Variants in SAMMSON observed in about 807,000 individuals in gnomAD.
The protein encoded by SAMMSON is long intergenic non-protein coding RNA 1212.
In SAMMSON at chr3:70,415,747, C is replaced by T. The variant is rs138281412; in HGVS notation, n.234-46813C>T. Among the ~76,000 whole-genome samples, 436 of 152,258 alleles carry T rather than the reference C, an allele frequency of 2.9e-3. 4 individuals are homozygous for T. The highest frequency in any genetic ancestry group is 9.8e-3 in the African/African-American group (406 of 41,546). ...TGGGATGCAATCTTTTGAAGAGTAACATTAGAATACTCCAATCCTGCCTGG... is the reference window on the plus strand; with the variant it reads ...TGGGATGCAATCTTTTGAAGAGTAATATTAGAATACTCCAATCCTGCCTGG... On this transcript the variant is annotated intron_variant and non_coding_transcript_variant, in intron 2 of 3. Coordinates refer to the SAMMSON transcript ENST00000641053.
chr3:70,250,818 A>C (rs1163007027), intron 6 of SAMMSON, among the ~76,000 whole-genome samples: 2 of 152,198 alleles, frequency 1.3e-5, no homozygotes, highest in African/African-American at 4.8e-5. Context: ...CTTCTTCAGC[A>C]CACAGTTCTT....
intron 4 of SAMMSON, among the ~76,000 whole-genome samples, chr3:70,080,740 G>A (rs796997169): frequency 2.1e-5 from 3 of 145,800 alleles, no homozygotes; most frequent in African/African-American, 7.7e-5. Flanking sequence ...TTGTGTTTAT[G>A]TCCTATAAAT....
At chr3:70,198,096 G>T (rs1701198692) in intron 4 of SAMMSON, among the ~76,000 whole-genome samples, 1 of 152,160 alleles carries the variant, frequency 6.6e-6, no homozygotes, top group South Asian at 2.1e-4. Flanking sequence ...TAAAAAATGT[G>T]TGAGTGCTTT....
intron 4 of SAMMSON, among the ~76,000 whole-genome samples, chr3:70,139,557 G>A (rs2067519212): frequency 6.6e-6 from 1 of 152,140 alleles, no homozygotes; most frequent in African/African-American, 2.4e-5. Flanking sequence ...TAAAATCTAG[G>A]TGGAGGCAGC....
intron 3 of SAMMSON, among the ~76,000 whole-genome samples, chr3:70,018,224 T>G (rs2066995442): frequency 6.6e-6 from 1 of 152,166 alleles, no homozygotes; most frequent in Non-Finnish European, 1.5e-5. Flanking sequence ...TGGACTTTTT[T>G]TGTTGGTAAA....
intron 4 of SAMMSON, among the ~76,000 whole-genome samples, chr3:70,103,014 A>T (rs561760240): frequency 1.3e-5 from 2 of 152,294 alleles, no homozygotes; most frequent in South Asian, 4.1e-4. Flanking sequence ...GCAAACTCAA[A>T]TGCACAGTGA....
chr3:70,045,420 ATC>A (rs1559779933), intron 3 of SAMMSON, among the ~76,000 whole-genome samples: 1 of 151,430 alleles, frequency 6.6e-6, no homozygotes, highest in African/African-American at 2.4e-5. Context: ...AAGAGAATCA[ATC>A]TCTTTTAAAA....
intron 6 of SAMMSON, among the ~76,000 whole-genome samples, chr3:70,273,108 G>A (rs1375665857): frequency 2.6e-5 from 4 of 152,130 alleles, no homozygotes; most frequent in Admixed American, 6.6e-5. Context: ...AAAGGCTGCC[G>A]TTACAAGGAA....
exon 4 of SAMMSON, chr3:70,071,496 C>A (rs1380440998): frequency 3.3e-5 from 5 of 151,858 alleles, no homozygotes; most frequent in Admixed American, 3.3e-4. Flanking sequence ...ACAGTGACAG[C>A]TAGCAGAGTC....
At chr3:70,065,065 G>C (rs572910828) in intron 3 of SAMMSON, among the ~76,000 whole-genome samples, 3 of 152,158 alleles carry the variant, frequency 2.0e-5, no homozygotes, top group African/African-American at 7.2e-5. Context: ...TAAAGAAGAA[G>C]ACTCAAAGTT....
chr3:70,040,992 C>T (rs906941571), intron 3 of SAMMSON, among the ~76,000 whole-genome samples: 7 of 152,116 alleles, frequency 4.6e-5, no homozygotes, highest in African/African-American at 1.4e-4. Flanking sequence ...GCTAAACTCT[C>T]AGCGAGCTCC....
intron 4 of SAMMSON, among the ~76,000 whole-genome samples, chr3:70,191,851 G>A (rs1364878284): frequency 6.9e-6 from 1 of 144,630 alleles, no homozygotes; most frequent in African/African-American, 2.6e-5. Context: ...TGTAACCTGG[G>A]ACAATTTACT....
intron 6 of SAMMSON, among the ~76,000 whole-genome samples, chr3:70,266,930 G>A (rs1701921360): frequency 6.6e-6 from 1 of 152,220 alleles, no homozygotes; most frequent in Admixed American, 6.5e-5. Flanking sequence ...AATGGGATTA[G>A]ATTATTGGAA....
intron 4 of SAMMSON, among the ~76,000 whole-genome samples, chr3:70,084,003 T>C (rs1200354655): frequency 6.6e-6 from 1 of 152,180 alleles, no homozygotes; most frequent in Non-Finnish European, 1.5e-5. Context: ...GTTTTCATCA[T>C]TCAGGCTAAT....
chr3:70,113,728 C>G (rs909251248), intron 4 of SAMMSON, among the ~76,000 whole-genome samples: 4 of 152,162 alleles, frequency 2.6e-5, no homozygotes, highest in Non-Finnish European at 4.4e-5. Flanking sequence ...TGTAGTGAGG[C>G]CTTACCCTCA....
At chr3:70,325,879 A>G (rs1367768658) in intron 7 of SAMMSON, among the ~76,000 whole-genome samples, 1 of 152,166 alleles carries the variant, frequency 6.6e-6, no homozygotes, top group Non-Finnish European at 1.5e-5. Context: ...TAGCCCTAAC[A>G]TAACTGATAA....
At chr3:70,408,076 G>A (rs546501963) in intron 2 of SAMMSON, among the ~76,000 whole-genome samples, 1 of 152,314 alleles carries the variant, frequency 6.6e-6, no homozygotes, top group East Asian at 1.9e-4. Flanking sequence ...GCTCTAGGTT[G>A]GTCTCTTTCA....
At chr3:70,188,096 C>G (rs931495939) in intron 4 of SAMMSON, among the ~76,000 whole-genome samples, 1 of 152,198 alleles carries the variant, frequency 6.6e-6, no homozygotes, top group Admixed American at 6.5e-5. Flanking sequence ...CACTGTCCTA[C>G]CTTTTTAAAT....
chr3:70,196,242 C>T (rs1006018215), intron 4 of SAMMSON, among the ~76,000 whole-genome samples: 5 of 152,124 alleles, frequency 3.3e-5, no homozygotes, highest in African/African-American at 1.2e-4. Context: ...CCTGTTATGA[C>T]ATAGTCATAG....
Sources: gnomAD v4.1 joint callset for allele counts (sites outside exome capture counted in the v4.1 genomes callset) on GRCh38, gnomAD v4.1.1 for gene constraint, MANE v1.5 for transcripts, NCBI Gene and HGNC (gene_info 2026-07-23, HGNC 2026-07-21) for gene names.